Variants in HECW1 observed in about 807,000 individuals in gnomAD.
HECW1 encodes the protein E3 ubiquitin-protein ligase HECW1.
A neutral mutation model predicts 182.3 loss-of-function variants in HECW1; 61 were observed. The observed-to-expected ratio is 0.33, with a 90% CI of 0.27 to 0.41. The LOEUF is 0.41. Ranked by LOEUF, HECW1 falls within the 10% of genes least tolerant of loss-of-function variation. The pLI is 1.00. For synonymous variants in HECW1, 859 were observed against 832.6 expected (o/e 1.03, Z -0.55); for missense variants, 1,739 against 2,108.9 (o/e 0.82, Z 3.44).
chr7:43,516,912 A>G (rs2080179390), intron 24 of HECW1, among the ~76,000 whole-genome samples: 2 of 152,250 alleles, frequency 1.3e-5, no homozygotes, highest in Non-Finnish European at 2.9e-5. Flanking sequence ...GTATCTCAAC[A>G]TAGCTAAACA....
intron 15 of HECW1, among the ~76,000 whole-genome samples, chr7:43,467,777 A>C (rs965579977): frequency 1.3e-5 from 2 of 152,164 alleles, no homozygotes; most frequent in Non-Finnish European, 2.9e-5. Context: ...ATGAGAACTC[A>C]AAAAAGACAG....
At chr7:43,550,642 A>C in intron 27 of HECW1, 51 bp downstream of exon 27, 3 of 1,530,666 alleles carry the variant, frequency 2.0e-6, no homozygotes, top group Non-Finnish European at 2.6e-6. Context: ...GTGCTGCTTC[A>C]CGGGGCCTCA....
intron 5 of HECW1, among the ~76,000 whole-genome samples, chr7:43,349,457 G>T (rs35966500): frequency 0.049 from 7,434 of 152,184 alleles, 219 homozygotes; most frequent in African/African-American, 0.087. Context: ...GTGAAGTATT[G>T]AAGTTCCCCC....
At chr7:43,115,726 T>G (rs1425784895) in intron 2 of HECW1, among the ~76,000 whole-genome samples, 1 of 152,220 alleles carries the variant, frequency 6.6e-6, no homozygotes, top group Non-Finnish European at 1.5e-5. Context: ...TTTTCCGTAG[T>G]TGTGCACTCA....
At chr7:43,270,041 C>T (rs143698714) in intron 3 of HECW1, among the ~76,000 whole-genome samples, 21 of 152,234 alleles carry the variant, frequency 1.4e-4, no homozygotes, top group African/African-American at 4.6e-4. Context: ...TGTTGTAAGC[C>T]CTGTTACTAG....
intron 9 of HECW1, among the ~76,000 whole-genome samples, chr7:43,440,885 C>CA (rs59427547): frequency 0.78 from 119,170 of 152,110 alleles, 47,213 homozygotes; most frequent in East Asian, 0.94. Context: ...ATTTTTAAGT[C>CA]GGGGCTTGTT....
At chr7:43,221,574 T>G (rs935110882) in intron 2 of HECW1, among the ~76,000 whole-genome samples, 13 of 95,080 alleles carry the variant, frequency 1.4e-4, no homozygotes, top group Middle Eastern at 6.5e-3. Context: ...TTTTTTTTTT[T>G]TTTTTGGGAC....
chr7:43,333,046 C>G (rs781445049), intron 5 of HECW1, among the ~76,000 whole-genome samples: 8 of 152,116 alleles, frequency 5.3e-5, no homozygotes. Flanking sequence ...AGTAGGGGTC[C>G]CATGACTAAG....
intron 29 of HECW1, among the ~76,000 whole-genome samples, chr7:43,556,257 T>C (rs1011049549): frequency 1.3e-5 from 2 of 152,084 alleles, no homozygotes; most frequent in African/African-American, 4.8e-5. Context: ...GCTGAAGCAA[T>C]AACACAAGCA....
chr7:43,456,540 G>A (rs963260627), intron 13 of HECW1, 93 bp downstream of exon 13: 19 of 1,170,118 alleles, frequency 1.6e-5, no homozygotes, highest in South Asian at 4.1e-5. Flanking sequence ...TGCTCAGACT[G>A]TATGAGGAGA....
chr7:43,379,520 G>A (rs2074462491), intron 6 of HECW1, among the ~76,000 whole-genome samples: 1 of 152,190 alleles, frequency 6.6e-6, no homozygotes, highest in East Asian at 1.9e-4. Flanking sequence ...ATTACATAAC[G>A]ATTCCACTCA....
intron 2 of HECW1, among the ~76,000 whole-genome samples, chr7:43,220,974 T>C (rs1796889045): frequency 6.6e-6 from 1 of 152,204 alleles, no homozygotes; most frequent in African/African-American, 2.4e-5. Flanking sequence ...ATATTCATGA[T>C]CATGACTCCT....
intron 12 of HECW1, among the ~76,000 whole-genome samples, chr7:43,454,442 A>G (rs925601323): frequency 2.0e-5 from 3 of 152,198 alleles, no homozygotes; most frequent in African/African-American, 7.2e-5. Context: ...TTACCTAGTA[A>G]TCATATGTAT....
chr7:43,273,430 A>G (rs1206317219), intron 3 of HECW1, among the ~76,000 whole-genome samples: 2 of 152,258 alleles, frequency 1.3e-5, no homozygotes, highest in African/African-American at 4.8e-5. Flanking sequence ...TGACCCTAAT[A>G]TAAATTTCGT....
chr7:43,150,281 G>A (rs759452654), intron 2 of HECW1, among the ~76,000 whole-genome samples: 7 of 152,158 alleles, frequency 4.6e-5, no homozygotes, highest in African/African-American at 1.2e-4. Context: ...TTTTAGTTAC[G>A]CTGTCTATAA....
At chr7:43,325,817 G>A (rs75662619) in intron 5 of HECW1, among the ~76,000 whole-genome samples, 29,640 of 151,936 alleles carry the variant, frequency 0.2, 3,903 homozygotes, top group Non-Finnish European at 0.29. Context: ...TCCTCGTGTG[G>A]AAACCTGGCT....
At chr7:43,386,604 C>A (rs758916) in intron 6 of HECW1, among the ~76,000 whole-genome samples, 29,100 of 152,162 alleles carry the variant, frequency 0.19, 3,126 homozygotes, top group Non-Finnish European at 0.25. Context: ...TGTTCCTGCC[C>A]CCCCTGCATG....
chr7:43,527,055 G>T (rs1386169907), intron 24 of HECW1, among the ~76,000 whole-genome samples: 1 of 152,186 alleles, frequency 6.6e-6, no homozygotes, highest in African/African-American at 2.4e-5. Context: ...ATCCAGGCAA[G>T]CAGCCTTTTA....
At chr7:43,471,441 C>T (rs1017754646) in intron 16 of HECW1, among the ~76,000 whole-genome samples, 2 of 152,206 alleles carry the variant, frequency 1.3e-5, no homozygotes, top group African/African-American at 4.8e-5. Context: ...AAGATGGCAA[C>T]ATTTGCTTTT....
Sources: gnomAD v4.1 joint callset for allele counts (sites outside exome capture counted in the v4.1 genomes callset) on GRCh38, gnomAD v4.1.1 for gene constraint, MANE v1.5 for transcripts, NCBI Gene and HGNC (gene_info 2026-07-23, HGNC 2026-07-21) for gene names.